Variants in UBE2Q2 observed in about 807,000 individuals in gnomAD.
The protein encoded by UBE2Q2 is ubiquitin conjugating enzyme E2 Q2.
In UBE2Q2, 54 loss-of-function variants were observed where a neutral mutation model predicts 59.9. That is an observed-to-expected ratio of 0.90 (90% confidence interval 0.72 to 1.13). The LOEUF is 1.13. Among genes scored for constraint, UBE2Q2 ranks in the 50% most tolerant of loss-of-function variants. The pLI is 0.00. For missense variants in UBE2Q2, 433 were observed against 441.9 expected (o/e 0.98, Z 0.18); for synonymous variants, 165 against 155.2 (o/e 1.06, Z -0.47).
intron 3 of UBE2Q2, among the ~76,000 whole-genome samples, 167 bp from the exon 4 acceptor site, chr15:75,868,784 T>A (rs1219574870): frequency 6.6e-6 from 1 of 152,224 alleles, no homozygotes; most frequent in African/African-American, 2.4e-5. Context: ...ATAACTTATT[T>A]GTTAGTCAAA....
intron 1 of UBE2Q2, among the ~76,000 whole-genome samples, chr15:75,853,506 A>ATG (rs1896743019): frequency 6.7e-6 from 1 of 149,926 alleles, no homozygotes; most frequent in South Asian, 2.1e-4. Flanking sequence ...ATATATATAT[A>ATG]TGTATGTATG....
chr15:75,883,748 C>T (rs565740246), intron 9 of UBE2Q2, among the ~76,000 whole-genome samples: 1 of 151,952 alleles, frequency 6.6e-6, no homozygotes, highest in Admixed American at 6.6e-5. Flanking sequence ...TGCTGTTGTT[C>T]TGGGGCCCAC....
intron 6 of UBE2Q2, 145 bp downstream of exon 6, chr15:75,876,416 G>C (rs1898084860): frequency 1.4e-6 from 1 of 709,486 alleles, no homozygotes; most frequent in African/African-American, 1.8e-5. Context: ...ATGCAATCAA[G>C]TTCCAAAAGA....
chr15:75,890,321 A>G, intron 9 of UBE2Q2, 114 bp from the exon 10 acceptor site: 1 of 732,080 alleles, frequency 1.4e-6, no homozygotes. Context: ...TCATGTTTGC[A>G]TGTTATTTTC....
intron 1 of UBE2Q2, among the ~76,000 whole-genome samples, chr15:75,847,465 T>C (rs1896412500): frequency 6.6e-6 from 1 of 152,212 alleles, no homozygotes; most frequent in Non-Finnish European, 1.5e-5. Flanking sequence ...TATAAATTTG[T>C]CCTGATCTTA....
chr15:75,854,050 T>C (rs1382935367), intron 1 of UBE2Q2, among the ~76,000 whole-genome samples: 1 of 152,208 alleles, frequency 6.6e-6, no homozygotes, highest in African/African-American at 2.4e-5. Context: ...TTTTGCTGTA[T>C]TCTCTTTGTT....
intron 1 of UBE2Q2, 78 bp from the exon 2 acceptor site, chr15:75,854,308 C>G: frequency 6.6e-6 from 7 of 1,060,722 alleles, no homozygotes; most frequent in Non-Finnish European, 9.6e-6. Context: ...GTCATCTTGC[C>G]GTTTAGTGGT....
At chr15:75,855,772 G>A (rs1398021765) in intron 2 of UBE2Q2, among the ~76,000 whole-genome samples, 2 of 152,136 alleles carry the variant, frequency 1.3e-5, no homozygotes, top group Non-Finnish European at 1.5e-5. Context: ...AGATGTGCAC[G>A]ACTTTTATCA....
intron 1 of UBE2Q2, among the ~76,000 whole-genome samples, chr15:75,854,025 A>G (rs1896774108): frequency 1.3e-5 from 2 of 152,186 alleles, no homozygotes; most frequent in African/African-American, 4.8e-5. Flanking sequence ...CTAATCTCAG[A>G]AGTGATGTTA....
intron 11 of UBE2Q2, among the ~76,000 whole-genome samples, chr15:75,891,823 C>T (rs1899126051): frequency 6.6e-6 from 1 of 152,154 alleles, no homozygotes; most frequent in African/African-American, 2.4e-5. Flanking sequence ...TGACTTTTAG[C>T]AAGAATTTGT....
At chr15:75,891,453 CT>C (rs1038744605) in intron 11 of UBE2Q2, among the ~76,000 whole-genome samples, 148 of 137,452 alleles carry the variant, frequency 1.1e-3, no homozygotes, top group Non-Finnish European at 1.5e-3. Flanking sequence ...TTTATTTTTA[CT>C]TTTTTTTTTC....
chr15:75,888,202 C>T (rs1372935194), intron 9 of UBE2Q2, among the ~76,000 whole-genome samples: 1 of 152,166 alleles, frequency 6.6e-6, no homozygotes, highest in Non-Finnish European at 1.5e-5. Flanking sequence ...AGAACATTTT[C>T]ATGACTTCAA....
chr15:75,869,812 G>A (rs1258306448), intron 4 of UBE2Q2, among the ~76,000 whole-genome samples: 1 of 152,132 alleles, frequency 6.6e-6, no homozygotes, highest in Non-Finnish European at 1.5e-5. Flanking sequence ...ATTGAGCTTA[G>A]GCCAGTTGTC....
intron 9 of UBE2Q2, 26 bp downstream of exon 9, chr15:75,883,450 GAAATTTTTTTCAGTTAAAAA>G (rs1343710361): frequency 1.3e-6 from 2 of 1,592,738 alleles, no homozygotes; most frequent in South Asian, 2.3e-5. Flanking sequence ...TACTTAAAAA[GAAATTTTTTTCAGTTAAAAA>G]AAATTTTTTT....
rs578211505 is a variant in UBE2Q2 at position 75,843,966 on chromosome 15, C to T, written c.180+120C>T. On this transcript the variant is annotated intron_variant, in intron 1 of 12. Transcript: ENST00000267938. ...TCCGGCTCCCCGGGCGGGGCAGGCC[C>T]GCCCCTTTCCCCCGCGACTTGCCCA... 34 of 1,406,594 alleles carry T rather than the reference C, an allele frequency of 2.4e-5. No individual in the cohort carries two copies. The African/African-American group carries it at 4.7e-4, about 20-fold the overall frequency. The allele number at this position is 1,406,594 out of a possible 1,614,324, so 87.1% of individuals were successfully genotyped here. A position where few individuals can be genotyped will look rare whatever the true frequency, so the allele number is the denominator to read the frequency against.
At chr15:75,871,537 G>A (rs1897793250) in intron 4 of UBE2Q2, among the ~76,000 whole-genome samples, 1 of 152,170 alleles carries the variant, frequency 6.6e-6, no homozygotes. Flanking sequence ...CGCAGTGTTT[G>A]TGTCCCTGGG....
At chr15:75,888,097 T>C (rs1898887184) in intron 9 of UBE2Q2, among the ~76,000 whole-genome samples, 1 of 152,256 alleles carries the variant, frequency 6.6e-6, no homozygotes, top group Non-Finnish European at 1.5e-5. Context: ...TTTATTGTGA[T>C]ACAGTTTATA....
chr15:75,851,932 G>A (rs966698245), intron 1 of UBE2Q2, among the ~76,000 whole-genome samples: 19 of 152,194 alleles, frequency 1.2e-4, no homozygotes, highest in Admixed American at 1.2e-3. Flanking sequence ...GAGTGCAGTA[G>A]CGTGATCACA....
chr15:75,853,658 A>C (rs139093137), intron 1 of UBE2Q2, among the ~76,000 whole-genome samples: 1 of 152,126 alleles, frequency 6.6e-6, no homozygotes, highest in Non-Finnish European at 1.5e-5. Context: ...AAAGCAACAA[A>C]CATTATCTCA....
Sources: allele counts gnomAD v4.1 joint callset (sites outside exome capture counted in the v4.1 genomes callset), GRCh38; gene constraint gnomAD v4.1.1; transcripts MANE v1.5; gene names NCBI Gene and HGNC (gene_info 2026-07-23, HGNC 2026-07-21).